The following KAZN variants were observed in gnomAD, a reference collection of about 807,000 sequenced individuals.
KAZN encodes kazrin, periplakin interacting protein, also known as kazrin.
A neutral mutation model predicts 87.4 loss-of-function variants in KAZN; 40 were observed. The observed-to-expected ratio is 0.46, with a 90% CI of 0.36 to 0.60. KAZN has a LOEUF of 0.60. KAZN is among the 20% of genes least tolerant of loss of function. The pLI is 0.00. For synonymous variants in KAZN, 466 were observed against 458.3 expected (o/e 1.02, Z -0.22); for missense variants, 898 against 1,073.9 (o/e 0.84, Z 2.29).
intron 3 of KAZN, among the ~76,000 whole-genome samples, chr1:15,043,634 T>C (rs1482149946): frequency 6.3e-5 from 2 of 31,672 alleles, no homozygotes; most frequent in Non-Finnish European, 1.1e-4. Context: ...TCCCCACTTC[T>C]TTTTTTTTTT....
At chr1:15,048,716 C>A (rs1673913568) in intron 4 of KAZN, among the ~76,000 whole-genome samples, 1 of 145,146 alleles carries the variant, frequency 6.9e-6, no homozygotes, top group Admixed American at 6.7e-5. Context: ...GTCGTTGGTC[C>A]TGGGTCGTTG....
chr1:14,956,796 G>A (rs1168466329), intron 1 of KAZN, among the ~76,000 whole-genome samples: 10 of 152,110 alleles, frequency 6.6e-5, no homozygotes, highest in Non-Finnish European at 5.9e-5. Context: ...CAGCCTTGGC[G>A]ACTGCTAGAG....
intron 1 of KAZN, among the ~76,000 whole-genome samples, chr1:14,133,377 A>AAAAGAAAG (rs149462642): frequency 0.037 from 2,647 of 71,900 alleles, 112 homozygotes; most frequent in Non-Finnish European, 0.047. Context: ...AAAAAAAAAA[A>AAAAGAAAG]AAAGAAAGAA....
At chr1:14,365,028 C>T (rs1440261111) in intron 2 of KAZN, among the ~76,000 whole-genome samples, 1 of 151,664 alleles carries the variant, frequency 6.6e-6, no homozygotes, top group Non-Finnish European at 1.5e-5. Context: ...TAGGCATGAG[C>T]CACCATGCCC....
At position 14,389,682 on chromosome 1, in the gene KAZN, A is replaced by G. The variant is rs1385135248; in HGVS notation, c.249+209090A>G. On this transcript the variant is annotated intron_variant, in intron 2 of 16. Coordinates refer to the KAZN transcript ENST00000636203. Reference sequence around the variant, plus strand: ...TTAACTCATGGAGATAGAGAGTAGAAGGATGGTTACCAGAGGCTGGGAAGG... The same window carrying G: ...TTAACTCATGGAGATAGAGAGTAGAGGGATGGTTACCAGAGGCTGGGAAGG... Among the ~76,000 whole-genome samples the G allele has an allele frequency of 2.6e-5, 4 of 152,138 alleles. No homozygotes were observed. The East Asian group carries it at 7.7e-4, about 29-fold the overall frequency.
chr1:14,718,496 G>C (rs149118902), intron 1 of KAZN, among the ~76,000 whole-genome samples: 2 of 152,310 alleles, frequency 1.3e-5, no homozygotes, highest in African/African-American at 4.8e-5. Context: ...GAGAATTGCT[G>C]ACAATTTTCA....
chr1:14,952,369 C>CT (rs1662599893), intron 1 of KAZN, among the ~76,000 whole-genome samples: 1 of 151,928 alleles, frequency 6.6e-6, no homozygotes, highest in Non-Finnish European at 1.5e-5. Flanking sequence ...CAGGATACCC[C>CT]TTTCACGGGG....
At chr1:14,549,652 T>C (rs1024894373) in intron 2 of KAZN, among the ~76,000 whole-genome samples, 1 of 146,892 alleles carries the variant, frequency 6.8e-6, no homozygotes, top group Non-Finnish European at 1.5e-5. Flanking sequence ...AACTTGCTAC[T>C]TTCCTTGGAC....
intron 1 of KAZN, among the ~76,000 whole-genome samples, chr1:14,169,912 G>A (rs936917041): frequency 2.0e-5 from 3 of 152,180 alleles, no homozygotes; most frequent in Admixed American, 6.5e-5. Flanking sequence ...TGGAGGCAGG[G>A]TTCAAACTCA....
chr1:14,334,033 C>G (rs1657041038), intron 2 of KAZN, among the ~76,000 whole-genome samples: 1 of 151,628 alleles, frequency 6.6e-6, no homozygotes, highest in Admixed American at 6.6e-5. Flanking sequence ...GGAGGCATGG[C>G]CATCACAAGG....
intron 1 of KAZN, among the ~76,000 whole-genome samples, chr1:13,992,508 C>T (rs948938784): frequency 1.2e-4 from 18 of 152,034 alleles, no homozygotes; most frequent in African/African-American, 3.4e-4. Context: ...AATGGTGGCT[C>T]GAAGGAGTAC....
At chr1:14,172,845 C>G (rs1464351147) in intron 1 of KAZN, among the ~76,000 whole-genome samples, 12 of 152,218 alleles carry the variant, frequency 7.9e-5, no homozygotes, top group Admixed American at 7.9e-4. Flanking sequence ...GTATCTGGCA[C>G]CTGGGCTGGA....
At chr1:14,434,256 T>C (rs1254439943) in intron 2 of KAZN, among the ~76,000 whole-genome samples, 1 of 152,218 alleles carries the variant, frequency 6.6e-6, no homozygotes, top group African/African-American at 2.4e-5. Flanking sequence ...TCTTGAACTC[T>C]TGGTTATTCT....
At chr1:14,936,073 TC>T (rs1254385223) in intron 1 of KAZN, among the ~76,000 whole-genome samples, 1 of 152,230 alleles carries the variant, frequency 6.6e-6, no homozygotes, top group Non-Finnish European at 1.5e-5. Flanking sequence ...ACATTGCTTT[TC>T]CATGTCATGT....
At chr1:15,073,848 G>A (rs1573253795) in intron 8 of KAZN, among the ~76,000 whole-genome samples, 1 of 152,330 alleles carries the variant, frequency 6.6e-6, no homozygotes, top group East Asian at 1.9e-4. Context: ...ACCAGACCAT[G>A]AGCCCTAAAC....
At chr1:14,366,066 G>A (rs1216540303) in intron 2 of KAZN, among the ~76,000 whole-genome samples, 3 of 152,120 alleles carry the variant, frequency 2.0e-5, no homozygotes, top group African/African-American at 7.2e-5. Flanking sequence ...AAGGAAAATC[G>A]ATTTCTCCAG....
chr1:14,288,941 C>T (rs1157093484), intron 2 of KAZN, among the ~76,000 whole-genome samples: 2 of 152,112 alleles, frequency 1.3e-5, no homozygotes, highest in East Asian at 3.8e-4. Flanking sequence ...CGTTATGTAC[C>T]CAGTAGTCAT....
At chr1:14,079,859 C>T (rs1643604914) in intron 1 of KAZN, among the ~76,000 whole-genome samples, 1 of 151,738 alleles carries the variant, frequency 6.6e-6, no homozygotes, top group Non-Finnish European at 1.5e-5. Context: ...GGGACCCGCC[C>T]CCATGACCCA....
intron 1 of KAZN, among the ~76,000 whole-genome samples, chr1:13,972,576 G>T (rs1445837513): frequency 3.3e-5 from 5 of 152,130 alleles, no homozygotes; most frequent in Admixed American, 3.3e-4. Context: ...GGATTAACAA[G>T]CTGCTGGTGA....
Sources: allele counts gnomAD v4.1 joint callset (sites outside exome capture counted in the v4.1 genomes callset), GRCh38; gene constraint gnomAD v4.1.1; transcripts MANE v1.5; gene names NCBI Gene and HGNC (gene_info 2026-07-23, HGNC 2026-07-21).